The following ENTREP2 variants were observed in gnomAD, a reference collection of about 807,000 sequenced individuals.
ENTREP2 encodes protein ENTREP2.
At chr15:29,135,965 GTCCCAGGTCCTTTTACCTGGA>G in the ENTREP2 span, among the ~76,000 whole-genome samples, 1 of 152,108 alleles carries the variant, frequency 6.6e-6, no homozygotes. This position sits in a 1 kb window ranked among gnomAD's most constrained non-coding sequence, Gnocchi z 7.4. Context: ...GTCAGGAGCT[GTCCCAGGTCCTTTTACCTGGA>G]TCCCAGACCA....
chr15:29,430,375 T>G, the ENTREP2 span, among the ~76,000 whole-genome samples: 72 of 152,326 alleles, frequency 4.7e-4, 1 homozygote, highest in Admixed American at 2.5e-3. Flanking sequence ...TGCCTGTCTC[T>G]CCTGCTCTAG....
chr15:29,209,321 G>A, the ENTREP2 span, among the ~76,000 whole-genome samples: 1 of 152,082 alleles, frequency 6.6e-6, no homozygotes, highest in African/African-American at 2.4e-5. Context: ...GGCTAACATC[G>A]TGAAACCCCG....
the ENTREP2 span, among the ~76,000 whole-genome samples, chr15:29,568,015 C>A: frequency 6.6e-6 from 1 of 152,214 alleles, no homozygotes; most frequent in Non-Finnish European, 1.5e-5. Flanking sequence ...TTGCACCAAT[C>A]TCAGAGGGCA....
chr15:29,548,647 A>G, the ENTREP2 span, among the ~76,000 whole-genome samples: 81 of 152,274 alleles, frequency 5.3e-4, no homozygotes, highest in African/African-American at 1.7e-3. Flanking sequence ...ACTATTAAAG[A>G]AGAAAGGATA....
the ENTREP2 span, among the ~76,000 whole-genome samples, chr15:29,637,879 A>G: frequency 4.6e-5 from 7 of 152,226 alleles, no homozygotes; most frequent in Non-Finnish European, 1.0e-4. Context: ...GGTCCATGAA[A>G]GCAGAGGAGA....
chr15:29,195,043 G>T, the ENTREP2 span: 1 of 897,798 alleles, frequency 1.1e-6, no homozygotes, highest in Non-Finnish European at 1.3e-6. Context: ...CTCAGGCACT[G>T]ACCCAGGCAG....
At chr15:29,541,677 G>T in the ENTREP2 span, among the ~76,000 whole-genome samples, 1 of 152,170 alleles carries the variant, frequency 6.6e-6, no homozygotes, top group Admixed American at 6.5e-5. Context: ...GGGAAGAAAA[G>T]GCACCCATGC....
the ENTREP2 span, among the ~76,000 whole-genome samples, chr15:29,211,965 T>G: frequency 1.3e-5 from 2 of 152,192 alleles, no homozygotes; most frequent in African/African-American, 4.8e-5. Flanking sequence ...TTCCTGGTTT[T>G]GGTATTAGGG....
At chr15:29,645,052 G>A in the ENTREP2 span, among the ~76,000 whole-genome samples, 1 of 151,986 alleles carries the variant, frequency 6.6e-6, no homozygotes, top group Admixed American at 6.6e-5. Flanking sequence ...TGCCATCTCT[G>A]AAAAAAGAGA....
chr15:29,601,676 C>A, the ENTREP2 span, among the ~76,000 whole-genome samples: 1 of 152,298 alleles, frequency 6.6e-6, no homozygotes, highest in East Asian at 1.9e-4. Flanking sequence ...TCACTTCCAT[C>A]TTTAACACTT....
At chr15:29,515,622 C>A in the ENTREP2 span, among the ~76,000 whole-genome samples, 1 of 152,344 alleles carries the variant, frequency 6.6e-6, no homozygotes, top group South Asian at 2.1e-4. Context: ...CAGAAAGGAA[C>A]AAGACCTTGA....
chr15:29,608,710 G>T, the ENTREP2 span, among the ~76,000 whole-genome samples: 1 of 151,808 alleles, frequency 6.6e-6, no homozygotes, highest in African/African-American at 2.4e-5. Flanking sequence ...GGGACTACAG[G>T]CACCTGCCAC....
chr15:29,462,049 G>C, the ENTREP2 span, among the ~76,000 whole-genome samples: 1 of 152,112 alleles, frequency 6.6e-6, no homozygotes, highest in African/African-American at 2.4e-5. Flanking sequence ...ACCATGTCAA[G>C]GTTCATCCAT....
the ENTREP2 span, among the ~76,000 whole-genome samples, chr15:29,223,400 C>G: frequency 6.6e-6 from 1 of 152,128 alleles, no homozygotes; most frequent in African/African-American, 2.4e-5. Context: ...AGGTGCCCAG[C>G]TCCAATGGCT....
chr15:29,624,357 T>C, the ENTREP2 span, among the ~76,000 whole-genome samples: 1 of 151,990 alleles, frequency 6.6e-6, no homozygotes, highest in Non-Finnish European at 1.5e-5. Flanking sequence ...ACACGTACAA[T>C]ATAGTTTCTA....
the ENTREP2 span, among the ~76,000 whole-genome samples, chr15:29,371,816 A>G: frequency 1.5e-4 from 23 of 152,162 alleles, no homozygotes. Flanking sequence ...AAGAGAAAGA[A>G]AACATTAGAA....
At chr15:29,593,222 C>G in the ENTREP2 span, among the ~76,000 whole-genome samples, 1 of 152,132 alleles carries the variant, frequency 6.6e-6, no homozygotes, top group Non-Finnish European at 1.5e-5. Flanking sequence ...ATAGTTACAG[C>G]CTGCCGTTTA....
the ENTREP2 span, among the ~76,000 whole-genome samples, chr15:29,183,471 G>A: frequency 3.3e-5 from 5 of 152,268 alleles, no homozygotes; most frequent in Middle Eastern, 3.4e-3. Flanking sequence ...ACACGCTGCC[G>A]AGTGCACATC....
the ENTREP2 span, among the ~76,000 whole-genome samples, chr15:29,138,601 A>G: frequency 1.8e-4 from 17 of 96,368 alleles, no homozygotes; most frequent in African/African-American, 8.1e-4. Context: ...GTATATATGT[A>G]TGTGTGTGTT....
Sources: gnomAD v4.1 joint callset for allele counts (sites outside exome capture counted in the v4.1 genomes callset) on GRCh38, gnomAD v4.1.1 for gene constraint, Gnocchi (gnomAD v3.1) non-coding constraint, MANE v1.5 for transcripts, NCBI Gene and HGNC (gene_info 2026-07-23, HGNC 2026-07-21) for gene names.